Variants in MPHOSPH6 observed in about 807,000 individuals in gnomAD.
MPHOSPH6 encodes the protein M-phase phosphoprotein 6.
Under a neutral mutation model 21.8 loss-of-function variants are expected in MPHOSPH6, and 25 were observed. The observed-to-expected ratio is 1.15, with a 90% CI of 0.83 to 1.60. The LOEUF is 1.60. Among genes scored for constraint, MPHOSPH6 ranks in the 40% most tolerant of loss-of-function variants. The pLI is 0.00. For missense variants in MPHOSPH6, 269 were observed against 181.8 expected (o/e 1.48, Z -2.76); for synonymous variants, 84 against 56.5 (o/e 1.49, Z -2.18).
At chr16:82,155,904 CAA>C (rs529834500) in intron 2 of MPHOSPH6, among the ~76,000 whole-genome samples, 11 of 101,758 alleles carry the variant, frequency 1.1e-4, no homozygotes, top group Non-Finnish European at 1.1e-4. Context: ...CACTCTGTCT[CAA>C]AAAAAAAAAA....
At chr16:82,154,725 C>G (rs1359513934) in intron 2 of MPHOSPH6, among the ~76,000 whole-genome samples, 2 of 151,988 alleles carry the variant, frequency 1.3e-5, no homozygotes, top group South Asian at 2.1e-4. Flanking sequence ...AGTCCTATAT[C>G]TATCAAATAA....
At chr16:82,149,531 ACT>A (rs140235657) in intron 3 of MPHOSPH6, 128 bp from the exon 4 acceptor site, 117,136 of 760,798 alleles carry the variant, frequency 0.15, 12,699 homozygotes, top group Admixed American at 0.42. Context: ...TTGATAAGGG[ACT>A]CTCTGTAATA....
intron 2 of MPHOSPH6, among the ~76,000 whole-genome samples, chr16:82,157,059 T>C (rs1442167149): frequency 6.6e-6 from 1 of 151,514 alleles, no homozygotes. Flanking sequence ...TCAAAAAAAA[T>C]AAATAAATAA....
At chr16:82,169,279 T>C (rs770925928) in intron 1 of MPHOSPH6, among the ~76,000 whole-genome samples, 1 of 152,210 alleles carries the variant, frequency 6.6e-6, no homozygotes, top group Non-Finnish European at 1.5e-5. Flanking sequence ...ACATACTGAA[T>C]TGTCTCTAAT....
intron 1 of MPHOSPH6, among the ~76,000 whole-genome samples, chr16:82,168,553 C>T (rs949356219): frequency 5.3e-5 from 8 of 151,530 alleles, no homozygotes; most frequent in African/African-American, 1.9e-4. Context: ...TCACTGCAGC[C>T]TTGATCTCCC....
chr16:82,149,421 G>A lies in MPHOSPH6; in HGVS notation c.256-18C>T. Reference sequence around the variant, plus strand: ...ATCAATTTCTGAAAAATACACCAGTGCTGACCTTCAGGCTAGAAAACGCTT... The same window carrying A: ...ATCAATTTCTGAAAAATACACCAGTACTGACCTTCAGGCTAGAAAACGCTT... On this transcript the variant is annotated intron_variant, in intron 3 of 4. Coordinates refer to ENST00000258169, the MANE Select transcript of MPHOSPH6 (RefSeq NM_005792.2). The A allele has an allele frequency of 6.2e-7, 1 of 1,605,440 alleles. No homozygotes were observed. Among genetic ancestry groups the A allele is most frequent in the Non-Finnish European group, 8.5e-7 (1 of 1,175,994 alleles).
chr16:82,163,811 G>C, intron 2 of MPHOSPH6: 2 of 320,014 alleles, frequency 6.2e-6, no homozygotes, highest in East Asian at 1.4e-4. Flanking sequence ...CTTCCCCAAA[G>C]GTCTGCTGTT....
At chr16:82,166,399 A>G (rs1380667504) in intron 1 of MPHOSPH6, among the ~76,000 whole-genome samples, 1 of 152,132 alleles carries the variant, frequency 6.6e-6, no homozygotes. Flanking sequence ...GCCTGGCAAA[A>G]TATTTACTCT....
chr16:82,151,434 G>T lies in MPHOSPH6; in HGVS notation c.245C>A (p.Pro82His). 1 of 1,605,482 alleles carries T rather than the reference G, an allele frequency of 6.2e-7. No individual in the cohort carries two copies. Among genetic ancestry groups the T allele is most frequent in the Non-Finnish European group, 8.5e-7 (1 of 1,176,758 alleles). ...YGRMSFRGFN[P>H]EVEKLMLQMN... ...AATTATATTTAATACCTCAACCTCA[G>T]GATTAAATCCTCTGAATGACATTCT... Residue 82 changes from proline (P) to histidine (H), a missense_variant, in exon 3 of 5, where the codon CCT (proline) becomes CAT (histidine). Physicochemically the swap from Pro to His is moderately conservative, Grantham distance 77. Coordinates refer to ENST00000258169, the MANE Select transcript of MPHOSPH6 (RefSeq NM_005792.2).
In MPHOSPH6 at chr16:82,170,209, G is replaced by T; in HGVS notation, c.-34C>A. 1.3e-6 allele frequency: 2 copies of T among 1,566,334 alleles called. No homozygotes were observed. Among genetic ancestry groups the T allele is most frequent in the Non-Finnish European group, 1.7e-6 (2 of 1,158,104 alleles). ...CCGCCCAGCGCCGCACTCCGGCCGC[G>T]AGCCTCACCGCACATGCGCGGAGCC... is the stretch of plus-strand genomic sequence containing the variant. On this transcript the variant is annotated 5_prime_UTR_variant, in exon 1 of 5. Transcript: ENST00000258169.
At chr16:82,161,350 G>C (rs1455867524) in intron 2 of MPHOSPH6, among the ~76,000 whole-genome samples, 2 of 152,184 alleles carry the variant, frequency 1.3e-5, no homozygotes, top group African/African-American at 4.8e-5. Flanking sequence ...TAACTTGTTA[G>C]TTTCAGGTCC....
chr16:82,165,431 C>T (rs1192428070), intron 1 of MPHOSPH6, among the ~76,000 whole-genome samples: 1 of 151,942 alleles, frequency 6.6e-6, no homozygotes, highest in African/African-American at 2.4e-5. Context: ...GCCCAGGTCC[C>T]ATATTTCTCC....
In MPHOSPH6 at chr16:82,148,780, T is replaced by C. The variant is rs1408942490; in HGVS notation, c.434A>G (p.Asp145Gly). The change falls in exon 5 of 5, where the codon GAC becomes GGC. Residue 145 changes from aspartate (D) to glycine (G), a missense_variant. By Grantham distance (94) the Asp-to-Gly change is moderately conservative. Transcript: ENST00000258169. ...CTTCTTTGCTTTAATTGGTGTTATG[T>C]CTCCATTTTCATCTTCTTCATAATT... ...HANYEEDENG[D>G]ITPIKAKKMF... 1.2e-6 allele frequency: 2 copies of C among 1,614,058 alleles called. No individual in the cohort carries two copies. Among genetic ancestry groups the C allele is most frequent in the Admixed American group, 1.7e-5 (1 of 59,994 alleles).
intron 2 of MPHOSPH6, among the ~76,000 whole-genome samples, chr16:82,157,237 T>C (rs1014681766): frequency 6.6e-6 from 1 of 152,176 alleles, no homozygotes; most frequent in African/African-American, 2.4e-5. Flanking sequence ...GAAAGTGTTA[T>C]AACACTTCTC....
At chr16:82,169,961 G>C in intron 1 of MPHOSPH6, 164 bp downstream of exon 1, 4 of 805,926 alleles carry the variant, frequency 5.0e-6, no homozygotes, top group Non-Finnish European at 7.2e-6. Context: ...CTGGTTCCCA[G>C]TAAACAGTGC....
intron 2 of MPHOSPH6, among the ~76,000 whole-genome samples, chr16:82,158,786 A>G (rs904353521): frequency 6.6e-6 from 1 of 152,258 alleles, no homozygotes; most frequent in Non-Finnish European, 1.5e-5. Flanking sequence ...TGGGCTTGAT[A>G]GCTTCCCAAC....
In MPHOSPH6 at chr16:82,165,411, G is replaced by A. The variant is rs1029188315; in HGVS notation, c.52-1217C>T. 7.2e-5 allele frequency among the ~76,000 whole-genome samples: 11 copies of A among 151,832 alleles called. No individual in the cohort carries two copies. The East Asian group carries it at 1.2e-3, about 16-fold the overall frequency. On this transcript the variant is annotated intron_variant, in intron 1 of 4. Transcript: ENST00000258169. ...AGTGCTGGGATTACAGGTGTGAGCC[G>A]CTGCGCCCGGCCCAGGTCCCATATT...
chr16:82,151,023 A>C (rs1217366639), intron 3 of MPHOSPH6: 1 of 159,006 alleles, frequency 6.3e-6, no homozygotes, highest in Non-Finnish European at 1.4e-5. Context: ...ACAAGCTTGG[A>C]TTACAACAGT....
intron 2 of MPHOSPH6, among the ~76,000 whole-genome samples, chr16:82,161,324 T>C (rs1364396546): frequency 6.6e-6 from 1 of 152,136 alleles, no homozygotes; most frequent in Non-Finnish European, 1.5e-5. Context: ...CCAGCATCAG[T>C]GAAAGTGTGG....
Sources: allele counts gnomAD v4.1 joint callset (sites outside exome capture counted in the v4.1 genomes callset), GRCh38; gene constraint gnomAD v4.1.1; transcripts MANE v1.5; gene names NCBI Gene and HGNC (gene_info 2026-07-23, HGNC 2026-07-21).